The following LMBRD1 variants were observed in gnomAD, a reference collection of about 807,000 sequenced individuals.
LMBRD1 encodes the protein lysosomal cobalamin transport escort protein LMBD1.
Under a neutral mutation model 74.8 loss-of-function variants are expected in LMBRD1, and 64 were observed. That is an observed-to-expected ratio of 0.86 (90% CI 0.70 to 1.05). The LOEUF is 1.05. Ranked by LOEUF, LMBRD1 falls within the 50% of genes least tolerant of loss-of-function variation. LMBRD1 has a pLI of 0.00. For missense variants in LMBRD1, 652 were observed against 645.9 expected, an observed-to-expected ratio of 1.01 and a Z score of -0.10; for synonymous variants, 204 against 216.3, an observed-to-expected ratio of 0.94 and a Z score of 0.50.
At chr6:69,721,167 AG>A (rs1766605916) in intron 7 of LMBRD1, among the ~76,000 whole-genome samples, 1 of 152,208 alleles carries the variant, frequency 6.6e-6, no homozygotes, top group Non-Finnish European at 1.5e-5. Context: ...AAGGCAGTCT[AG>A]GAAACAAGGA....
rs1562121918 is a variant in LMBRD1 at position 69,775,033 on chromosome 6, G to GAGAGGGAA, written c.307+5460_307+5461insTTCCCTCT. Among the ~76,000 whole-genome samples, 87 of 81,236 alleles carry GAGAGGGAA rather than the reference G, an allele frequency of 1.1e-3. 8 individuals carry two copies. Among genetic ancestry groups the GAGAGGGAA allele is most frequent in the African/African-American group, 3.5e-3 (59 of 16,632 alleles). 53.3% of individuals were successfully genotyped at this position (81,236 alleles called of 152,430 possible). ...AGGGAGGGAGGGAGGGAGGGAGGGAGGGAAGGAAGGAAAAGATGAAGAACT... is the reference window on the plus strand; with the variant it reads ...AGGGAGGGAGGGAGGGAGGGAGGGAGAGAGGGAAGGAAGGAAGGAAAAGATGAAGAACT... On this transcript the variant is annotated intron_variant, in intron 3 of 15. Coordinates refer to ENST00000649934, the MANE Select transcript of LMBRD1 (RefSeq NM_018368.4).
chr6:69,707,833 T>C (rs1003915769), intron 9 of LMBRD1, among the ~76,000 whole-genome samples: 1 of 152,108 alleles, frequency 6.6e-6, no homozygotes, highest in African/African-American at 2.4e-5. Flanking sequence ...GAATGGAGAA[T>C]TACCGTTTAA....
At chr6:69,701,671 C>A in intron 10 of LMBRD1, 126 bp from the exon 11 acceptor site, 1 of 694,568 alleles carries the variant, frequency 1.4e-6, no homozygotes, top group South Asian at 1.8e-5. Flanking sequence ...CAAATTAAAC[C>A]TCACTTAAAT....
rs1562112648 is a variant in LMBRD1, at chr6:69,752,264, AT to A, written c.399del (p.Lys133AsnfsTer17). On this transcript the variant is annotated frameshift_variant, in exon 4 of 16. Transcript: ENST00000649934. LOFTEE classifies it high-confidence loss of function. ...TCTAAAATAAAGATACTTACAGTACATTTACTAGTATCATCATCATCCTTTT... is the reference window on the plus strand; with the variant it reads ...TCTAAAATAAAGATACTTACAGTACATTACTAGTATCATCATCATCCTTTT... ...YEEKDDDDTS[K>X]CTQIKTALKY... 9.3e-6 allele frequency: 15 copies of A among 1,608,438 alleles called. No homozygotes were observed. The South Asian group carries it at 1.4e-4, about 15-fold the overall frequency.
chr6:69,765,414 G>A (rs1765458121), intron 3 of LMBRD1, among the ~76,000 whole-genome samples: 1 of 152,034 alleles, frequency 6.6e-6, no homozygotes. Flanking sequence ...AAAATCAATT[G>A]ACCATGAATA....
intron 8 of LMBRD1, among the ~76,000 whole-genome samples, chr6:69,717,774 T>C (rs550488239): frequency 6.6e-6 from 1 of 152,316 alleles, no homozygotes; most frequent in South Asian, 2.1e-4. Flanking sequence ...CATGGATCAC[T>C]GCAGCCGCAA....
intron 9 of LMBRD1, among the ~76,000 whole-genome samples, chr6:69,702,455 A>G (rs1766155104): frequency 6.6e-6 from 1 of 152,000 alleles, no homozygotes; most frequent in Non-Finnish European, 1.5e-5. Context: ...AAGTGATACT[A>G]TTCCTGAAAC....
intron 3 of LMBRD1, among the ~76,000 whole-genome samples, chr6:69,775,618 CT>C (rs1765682667): frequency 6.6e-6 from 1 of 152,132 alleles, no homozygotes; most frequent in African/African-American, 2.4e-5. Context: ...AGATTTGAGC[CT>C]TTTATTCACA....
chr6:69,775,290 T>G (rs1765675903), intron 3 of LMBRD1, among the ~76,000 whole-genome samples: 1 of 151,904 alleles, frequency 6.6e-6, no homozygotes. Flanking sequence ...AGCTGGGGAG[T>G]GCTCACAAGG....
chr6:69,794,438 G>C (rs1766167186), intron 1 of LMBRD1, among the ~76,000 whole-genome samples: 1 of 152,208 alleles, frequency 6.6e-6, no homozygotes, highest in Non-Finnish European at 1.5e-5. Flanking sequence ...AAGATGTGAT[G>C]GCTATCTCCA....
chr6:69,759,471 C>CA (rs34380862), intron 3 of LMBRD1, among the ~76,000 whole-genome samples: 7,663 of 149,016 alleles, frequency 0.051, 235 homozygotes, highest in Middle Eastern at 0.072. Flanking sequence ...AAAAACAAAC[C>CA]AAAAAAAAAC....
At chr6:69,730,746 C>A (rs892926065) in intron 7 of LMBRD1, among the ~76,000 whole-genome samples, 3 of 151,886 alleles carry the variant, frequency 2.0e-5, no homozygotes, top group African/African-American at 7.3e-5. Flanking sequence ...GAAGATGCAT[C>A]GGTAGTAAAG....
At chr6:69,771,506 T>G (rs1018714597) in intron 3 of LMBRD1, among the ~76,000 whole-genome samples, 2 of 152,086 alleles carry the variant, frequency 1.3e-5, no homozygotes, top group African/African-American at 4.8e-5. Context: ...GACGCAAATC[T>G]CTAGGTCCAG....
chr6:69,716,157 T>A (rs1766484791), intron 8 of LMBRD1, among the ~76,000 whole-genome samples: 1 of 152,200 alleles, frequency 6.6e-6, no homozygotes, highest in Admixed American at 6.5e-5. Flanking sequence ...TGGGGTTGGA[T>A]GGTAGTCCTA....
chr6:69,717,896 G>T lies in LMBRD1; in HGVS notation c.762+1060C>A, dbSNP rs190294191. ...ATTTTTTTTGTAGAGATGGGGTTTT[G>T]CCATATTGCCCAAGCTGGTACCAAA... is the stretch of plus-strand genomic sequence containing the variant. On this transcript the variant is annotated intron_variant, in intron 8 of 15. Transcript: ENST00000649934. 2.5e-4 allele frequency among the ~76,000 whole-genome samples: 38 copies of T among 152,104 alleles called. No homozygotes were observed. In the East Asian group the frequency reaches 7.3e-3, roughly 29 times the overall value.
chr6:69,682,690 T>G (rs951664257), intron 14 of LMBRD1, among the ~76,000 whole-genome samples: 8 of 152,038 alleles, frequency 5.3e-5, no homozygotes, highest in African/African-American at 1.9e-4. Flanking sequence ...AATTGTCTTC[T>G]ATTACTTTAA....
At chr6:69,720,195 A>G (rs1454652246) in intron 7 of LMBRD1, among the ~76,000 whole-genome samples, 1 of 152,196 alleles carries the variant, frequency 6.6e-6, no homozygotes, top group Non-Finnish European at 1.5e-5. Context: ...TTAAGGGAGA[A>G]GAACAAAAAA....
In LMBRD1 at chr6:69,701,821, C is replaced by T. The variant is rs550149293; in HGVS notation, c.980+68G>A. On this transcript the variant is annotated intron_variant, in intron 10 of 15. Transcript: ENST00000649934. ...ATGAACAGCCTACACTAATGGCATT[C>T]AGCAACAAAATGTATATTATCATAG... 34 of 1,108,136 alleles carry T rather than the reference C, an allele frequency of 3.1e-5. No individual in the cohort carries two copies. The African/African-American group carries it at 5.3e-4, about 17-fold the overall frequency. 68.6% of individuals were successfully genotyped at this position (1,108,136 alleles called of 1,614,324 possible).
Position 69,741,834 on chromosome 6 carries a change from CTG to C in LMBRD1, c.515_516del (p.Thr172ArgfsTer10), listed in dbSNP as rs779151199. Reference protein sequence around the residue: ...PLNVPNNKNSTEWEKVKSLFE... With the variant: ...PLNVPNNKNSXEWEKVKSLFE... ...AATAGGGACTTCACTTTTTCCCACT[CTG>C]TAGAATTTTTGTTATTGGGAACATT... On this transcript the variant is annotated frameshift_variant, in exon 6 of 16. Transcript: ENST00000649934. LOFTEE classifies it high-confidence loss of function. 1.0e-5 allele frequency: 16 copies of C among 1,607,866 alleles called. No homozygotes were observed. The Admixed American group carries it at 1.5e-4, about 15-fold the overall frequency.
Sources: gnomAD v4.1 joint callset for allele counts (sites outside exome capture counted in the v4.1 genomes callset) on GRCh38, gnomAD v4.1.1 for gene constraint, MANE v1.5 for transcripts, NCBI Gene and HGNC (gene_info 2026-07-23, HGNC 2026-07-21) for gene names.